The following PLB1 variants were observed in gnomAD, a reference collection of about 807,000 sequenced individuals.
PLB1 encodes the protein phospholipase B1.
A neutral mutation model predicts 227.4 loss-of-function variants in PLB1; 242 were observed. That is an observed-to-expected ratio of 1.06 (90% CI 0.96 to 1.18). PLB1 has a LOEUF of 1.18. PLB1 is among the 50% of genes most tolerant of loss of function. The pLI, the probability that PLB1 is intolerant of heterozygous loss-of-function variation, is 0.00. For synonymous variants in PLB1, 757 were observed against 682.2 expected (o/e 1.11, Z -1.71); for missense variants, 1,858 against 1,816.3 (o/e 1.02, Z -0.42).
At chr2:28,566,744 G>C in intron 19 of PLB1, 52 bp from the exon 20 acceptor site, 2 of 1,599,990 alleles carry the variant, frequency 1.3e-6, no homozygotes, top group Non-Finnish European at 1.7e-6. Flanking sequence ...GAAGGGTCTC[G>C]GCGTGGCTGG....
At chr2:28,592,968 T>A (rs1032179862) in intron 32 of PLB1, among the ~76,000 whole-genome samples, 2 of 152,236 alleles carry the variant, frequency 1.3e-5, no homozygotes, top group Non-Finnish European at 2.9e-5. Flanking sequence ...CCAATAACAC[T>A]TTTTTAATAT....
chr2:28,591,867 C>T (rs1369857842), intron 31 of PLB1, 107 bp downstream of exon 31: 5 of 1,132,664 alleles, frequency 4.4e-6, no homozygotes, highest in East Asian at 2.4e-5. Context: ...ACAGTGACGG[C>T]CAGTGCTTGC....
intron 56 of PLB1, among the ~76,000 whole-genome samples, chr2:28,634,327 G>A (rs1183238027): frequency 6.6e-6 from 1 of 152,136 alleles, no homozygotes; most frequent in Non-Finnish European, 1.5e-5. Flanking sequence ...TGTTTTGAAG[G>A]CGGTTGTCCT....
At chr2:28,600,367 T>G (rs573086053) in intron 35 of PLB1, among the ~76,000 whole-genome samples, 1 of 152,354 alleles carries the variant, frequency 6.6e-6, no homozygotes, top group Admixed American at 6.5e-5. Context: ...TGTGTCGATA[T>G]GAACATTTTT....
chr2:28,518,362 C>T, intron 2 of PLB1, 104 bp from the exon 3 acceptor site: 1 of 861,748 alleles, frequency 1.2e-6, no homozygotes, highest in South Asian at 1.5e-5. Flanking sequence ...AGATTTTGAG[C>T]CTAGATAGAA....
At chr2:28,610,175 C>A (rs60457011) in intron 43 of PLB1, among the ~76,000 whole-genome samples, 7,268 of 152,096 alleles carry the variant, frequency 0.048, 562 homozygotes, top group African/African-American at 0.16. Flanking sequence ...ATACATGTGC[C>A]ATGGTGGTTT....
At chr2:28,548,728 G>T in intron 14 of PLB1, 132 bp from the exon 15 acceptor site, 1 of 818,764 alleles carries the variant, frequency 1.2e-6, no homozygotes, top group Non-Finnish European at 2.0e-6. Flanking sequence ...TTTGGGGATG[G>T]GGGCTGGACA....
chr2:28,514,452 A>G (rs1409417497), intron 1 of PLB1, among the ~76,000 whole-genome samples: 1 of 152,288 alleles, frequency 6.6e-6, no homozygotes, highest in East Asian at 1.9e-4. Flanking sequence ...TTTTAGAATC[A>G]GTTTCTTGAT....
At chr2:28,535,663 G>A (rs1220072887) in intron 9 of PLB1, among the ~76,000 whole-genome samples, 3 of 152,212 alleles carry the variant, frequency 2.0e-5, no homozygotes, top group Non-Finnish European at 4.4e-5. Context: ...GCTCATGCTT[G>A]TAATCTCAGA....
At position 28,572,156 on chromosome 2, in the gene PLB1, A is replaced by T. The variant is rs529475977; in HGVS notation, c.1325-1041A>T. ...TGCAAATGACTAGTAAGCACTTGAA[A>T]ATATGCTCAACATCAGTAGCCATCA... On this transcript the variant is annotated intron_variant, in intron 20 of 57. Coordinates refer to ENST00000327757, the MANE Select transcript of PLB1 (RefSeq NM_153021.5). Among the ~76,000 whole-genome samples, 9 of 152,362 alleles carry T rather than the reference A, an allele frequency of 5.9e-5. No individual in the cohort carries two copies. The South Asian group carries it at 1.7e-3, about 28-fold the overall frequency.
chr2:28,634,289 G>T (rs74357571), intron 56 of PLB1, among the ~76,000 whole-genome samples: 16,617 of 152,144 alleles, frequency 0.11, 2,156 homozygotes, highest in African/African-American at 0.32. Context: ...AGTTTATATG[G>T]TATAATTCCT....
At chr2:28,526,161 G>A (rs1670236370) in intron 6 of PLB1, among the ~76,000 whole-genome samples, 1 of 152,084 alleles carries the variant, frequency 6.6e-6, no homozygotes, top group African/African-American at 2.4e-5. Flanking sequence ...AGGGTCTCTG[G>A]GCAAACAGAA....
intron 9 of PLB1, among the ~76,000 whole-genome samples, chr2:28,537,643 A>AGC (rs1376740290): frequency 3.0e-4 from 41 of 134,742 alleles, no homozygotes; most frequent in South Asian, 4.9e-4. Flanking sequence ...TGGGCAAAAG[A>AGC]GCGAGACTCC....
Position 28,545,490 on chromosome 2 carries a change from A to G in PLB1, c.936+2222A>G, listed in dbSNP as rs976104416. ...GGTATAACAGGTTAGGGCGAAGGGC[A>G]CTGGACAGGAGCCAGAAAACCCGGG... On this transcript the variant is annotated intron_variant, in intron 14 of 57. Transcript: ENST00000327757. Among the ~76,000 whole-genome samples, 3 of 152,140 alleles carry G rather than the reference A, an allele frequency of 2.0e-5. No individual in the cohort carries two copies. In the East Asian group the frequency reaches 5.8e-4, roughly 29 times the overall value.
At chr2:28,502,450 G>A (rs113899573) in intron 1 of PLB1, among the ~76,000 whole-genome samples, 2 of 151,858 alleles carry the variant, frequency 1.3e-5, no homozygotes, top group Non-Finnish European at 2.9e-5. Flanking sequence ...TTTGTTAAAG[G>A]CCTTTTCAGC....
chr2:28,621,946 C>T (rs1471529327), intron 49 of PLB1, among the ~76,000 whole-genome samples: 1 of 152,080 alleles, frequency 6.6e-6, no homozygotes, highest in Admixed American at 6.5e-5. Context: ...ACAATCAAGC[C>T]CCTTCTTCCT....
intron 14 of PLB1, among the ~76,000 whole-genome samples, chr2:28,547,202 CAAAAAAAAA>C: frequency 2.0e-5 from 2 of 99,912 alleles, no homozygotes; most frequent in Non-Finnish European, 4.0e-5. Context: ...ACCCTGTCTC[CAAAAAAAAA>C]AAAAAGAAAA....
intron 51 of PLB1, 45 bp downstream of exon 51, chr2:28,626,553 T>C (rs373548577): frequency 2.1e-4 from 323 of 1,553,964 alleles, no homozygotes; most frequent in Non-Finnish European, 2.3e-4. Context: ...AGGAAGGTGC[T>C]GACCTCTGGC....
In PLB1 at chr2:28,567,471, T is replaced by C. The variant is rs901275868; in HGVS notation, c.1324+632T>C. Among the ~76,000 whole-genome samples, 15 of 131,492 alleles carry C rather than the reference T, an allele frequency of 1.1e-4. No homozygotes were observed. In the Middle Eastern group the frequency reaches 0.011, roughly 94 times the overall value. The allele number at this position is 131,492 out of a possible 152,430, so 86.3% of individuals were successfully genotyped here. A position where few individuals can be genotyped will look rare whatever the true frequency, so the allele number is the denominator to read the frequency against. ...CCTGCTCGGAATGATTTCTTTCTCT[T>C]TTTTTTTTTTTTTTTTTTTGAGATG... is the stretch of plus-strand genomic sequence containing the variant. On this transcript the variant is annotated intron_variant, in intron 20 of 57. Transcript: ENST00000327757.
Sources: gnomAD v4.1 joint callset for allele counts (sites outside exome capture counted in the v4.1 genomes callset) on GRCh38, gnomAD v4.1.1 for gene constraint, MANE v1.5 for transcripts, NCBI Gene and HGNC (gene_info 2026-07-23, HGNC 2026-07-21) for gene names.